The following DNA2 variants were observed in gnomAD, a reference collection of about 807,000 sequenced individuals.
DNA2 encodes the protein DNA replication helicase/nuclease 2, also known as DNA replication ATP-dependent helicase/nuclease DNA2.
Under a neutral mutation model 119.1 loss-of-function variants are expected in DNA2, and 101 were observed. The observed-to-expected ratio is 0.85, with a 90% confidence interval of 0.72 to 1.00. The LOEUF is 1.00. DNA2 is among the 50% of genes least tolerant of loss of function. The pLI is 0.00. For synonymous variants in DNA2, 366 were observed against 424.4 expected (o/e 0.86, Z 1.69); for missense variants, 1,121 against 1,255.5 (o/e 0.89, Z 1.62).
chr10:68,424,583 C>T (rs1406653753), intron 14 of DNA2: 3 of 1,076,576 alleles, frequency 2.8e-6, no homozygotes, highest in South Asian at 1.2e-5. Context: ...CCTTCGTGAA[C>T]TTGGACCGCA....
At chr10:68,419,943 T>A in intron 17 of DNA2, 51 bp from the exon 18 acceptor site, 4 of 1,490,598 alleles carry the variant, frequency 2.7e-6, no homozygotes, top group Non-Finnish European at 3.7e-6. Context: ...TAAAGAGTAC[T>A]ATAAGTACGC....
intron 19 of DNA2, among the ~76,000 whole-genome samples, chr10:68,418,765 T>C (rs2051626003): frequency 6.7e-6 from 1 of 149,094 alleles, no homozygotes; most frequent in Admixed American, 6.8e-5. Flanking sequence ...CTCCACCTCC[T>C]GGGTTCAAGC....
intron 11 of DNA2, 23 bp downstream of exon 11, chr10:68,432,371 C>T (rs775916591): frequency 6.4e-7 from 1 of 1,566,964 alleles, no homozygotes; most frequent in Non-Finnish European, 8.7e-7. Flanking sequence ...GAGTGAAATT[C>T]AAATTTGCTC....
chr10:68,424,819 G>A lies in DNA2; in HGVS notation c.2209-1929C>T, dbSNP rs546313341. ...GTCATCTACACTGAGCAGGTGCAGC[G>A]TGAGTAGGCCAACAGCACAACCGTC... On this transcript the variant is annotated intron_variant, in intron 14 of 20. Coordinates refer to ENST00000358410, the MANE Select transcript of DNA2 (RefSeq NM_001080449.3). 268 of 978,510 alleles carry A rather than the reference G, an allele frequency of 2.7e-4. No individual in the cohort carries two copies. The African/African-American group carries it at 3.8e-3, about 14-fold the overall frequency. 60.6% of individuals were successfully genotyped at this position (978,510 alleles called of 1,614,324 possible). A position where few individuals can be genotyped will look rare whatever the true frequency, so the allele number is the denominator to read the frequency against.
intron 14 of DNA2, chr10:68,424,595 CA>C: frequency 1.6e-6 from 2 of 1,287,942 alleles, no homozygotes; most frequent in Non-Finnish European, 2.3e-6. Flanking sequence ...TGGACCGCAG[CA>C]AAAACCGCAA....
At chr10:68,457,091 G>A (rs188541071) in intron 5 of DNA2, among the ~76,000 whole-genome samples, 19 of 149,704 alleles carry the variant, frequency 1.3e-4, no homozygotes, top group African/African-American at 4.7e-4. Flanking sequence ...CCAAGATCGC[G>A]CCACTGCACT....
intron 5 of DNA2, among the ~76,000 whole-genome samples, chr10:68,453,460 C>T (rs2052145511): frequency 6.6e-6 from 1 of 151,834 alleles, no homozygotes; most frequent in African/African-American, 2.4e-5. Flanking sequence ...TGGTGTTTCC[C>T]TTATGGCATA....
At position 68,414,246 on chromosome 10, in the gene DNA2, ATC is replaced by A. The variant is rs2051560313; in HGVS notation, c.*791_*792del. 5 of 151,980 alleles carry A rather than the reference ATC, an allele frequency of 3.3e-5. No individual in the cohort carries two copies. Among genetic ancestry groups the A allele is most frequent in the Admixed American group, 2.6e-4 (4 of 15,236 alleles). The allele number at this position is 151,980 out of a possible 1,614,324, so 9.4% of individuals were successfully genotyped here. A position where few individuals can be genotyped will look rare whatever the true frequency, so the allele number is the denominator to read the frequency against. The stretch of plus-strand genomic sequence containing the variant: ...CAAGAATCTTTTAACCTTTGTTAAA[ATC>A]TGTTACTTTTTATATATATAATATA... On this transcript the variant is annotated 3_prime_UTR_variant, in exon 21 of 21. Transcript: ENST00000358410.
chr10:68,461,828 C>CAAAAAAAAAAAAAAAAA (rs554059657), intron 4 of DNA2, among the ~76,000 whole-genome samples: 3 of 70,296 alleles, frequency 4.3e-5, no homozygotes, highest in African/African-American at 1.2e-4. Context: ...AACTCCGTCT[C>CAAAAAAAAAAAAAAAAA]AAAAAAAAAA....
intron 20 of DNA2, among the ~76,000 whole-genome samples, chr10:68,415,422 A>T (rs2051576042): frequency 6.6e-6 from 1 of 151,882 alleles, no homozygotes; most frequent in Admixed American, 6.6e-5. Flanking sequence ...GATTACAGGC[A>T]TGTGCCACCA....
At chr10:68,466,246 T>C (rs750095465) in intron 3 of DNA2, among the ~76,000 whole-genome samples, 4 of 152,086 alleles carry the variant, frequency 2.6e-5, no homozygotes, top group Non-Finnish European at 4.4e-5. Flanking sequence ...CAGGCTGATA[T>C]GAATTACTTT....
intron 5 of DNA2, among the ~76,000 whole-genome samples, chr10:68,454,364 A>G (rs1006639196): frequency 3.3e-5 from 5 of 152,114 alleles, no homozygotes; most frequent in African/African-American, 7.2e-5. Context: ...ACCAAAAAAA[A>G]AAAAACACAT....
At chr10:68,420,773 C>T (rs980338090) in intron 17 of DNA2, among the ~76,000 whole-genome samples, 4 of 151,476 alleles carry the variant, frequency 2.6e-5, no homozygotes, top group Non-Finnish European at 5.9e-5. Context: ...AGCAAGACTC[C>T]ATCCTAAAAA....
At chr10:68,455,807 CGAGA>C (rs1457179624) in intron 5 of DNA2, among the ~76,000 whole-genome samples, 1 of 151,494 alleles carries the variant, frequency 6.6e-6, no homozygotes, top group African/African-American at 2.4e-5. Flanking sequence ...AGCGACAGAG[CGAGA>C]CTCCATCTCA....
At chr10:68,422,169 G>A (rs2051673651) in intron 17 of DNA2, 56 bp downstream of exon 17, 2 of 1,383,428 alleles carry the variant, frequency 1.4e-6, no homozygotes, top group South Asian at 1.5e-5. Flanking sequence ...TGAAAACTGA[G>A]AAATTTAAAT....
chr10:68,467,854 T>A (rs1026967283), intron 3 of DNA2, among the ~76,000 whole-genome samples: 1 of 152,168 alleles, frequency 6.6e-6, no homozygotes, highest in African/African-American at 2.4e-5. Context: ...AATTTTCTTA[T>A]TATAATTAGT....
At chr10:68,425,007 G>C (rs2051718443) in intron 14 of DNA2, 1 of 511,242 alleles carries the variant, frequency 2.0e-6, no homozygotes, top group Admixed American at 2.6e-5. Context: ...AATATAACCT[G>C]TTGTGCAACC....
intron 7 of DNA2, 38 bp from the exon 8 acceptor site, chr10:68,445,121 A>G (rs777186540): frequency 6.5e-7 from 1 of 1,538,292 alleles, no homozygotes; most frequent in Non-Finnish European, 8.8e-7. Flanking sequence ...TAAGAGTTAA[A>G]TAAAGTTTAT....
At chr10:68,465,299 G>T (rs2052314533) in intron 4 of DNA2, among the ~76,000 whole-genome samples, 1 of 151,966 alleles carries the variant, frequency 6.6e-6, no homozygotes, top group African/African-American at 2.4e-5. Flanking sequence ...TTACAGGCGT[G>T]AGCCACCGCA....
Sources: allele counts gnomAD v4.1 joint callset (sites outside exome capture counted in the v4.1 genomes callset), GRCh38; gene constraint gnomAD v4.1.1; transcripts MANE v1.5; gene names NCBI Gene and HGNC (gene_info 2026-07-23, HGNC 2026-07-21).